The following ZFP62 variants were observed in gnomAD, a reference collection of about 807,000 sequenced individuals.
ZFP62 encodes zinc finger protein 62 homolog.
ZFP62 carries 44 observed loss-of-function variants against 56.4 expected under a neutral mutation model. That is an observed-to-expected ratio of 0.78 (90% CI 0.61 to 1.00). The LOEUF (loss-of-function observed/expected upper bound fraction) is 1.00. Among genes scored for constraint, ZFP62 ranks in the 50% least tolerant of loss-of-function variants. The probability of loss-of-function intolerance (pLI) is 0.00; values close to 1 mark genes in which losing one functional copy is unlikely to be tolerated. For synonymous variants in ZFP62, 421 were observed against 388.9 expected (o/e 1.08, Z -0.97); for missense variants, 1,030 against 1,085.7 (o/e 0.95, Z 0.72).
chr5:180,854,194 C>T (rs1773854451), intron 1 of ZFP62, among the ~76,000 whole-genome samples: 1 of 152,040 alleles, frequency 6.6e-6, no homozygotes, highest in Non-Finnish European at 1.5e-5. Context: ...AGGAAACATA[C>T]AAGATGAGCA....
intron 1 of ZFP62, among the ~76,000 whole-genome samples, chr5:180,853,850 T>G (rs1773838896): frequency 6.6e-6 from 1 of 152,210 alleles, no homozygotes; most frequent in African/African-American, 2.4e-5. Flanking sequence ...GTGTTGATTT[T>G]GTTGGGCTCA....
At position 180,847,680 on chromosome 5, in the gene ZFP62, A is replaced by C; in HGVS notation, c.*1112T>G. On this transcript the variant is annotated 3_prime_UTR_variant, in exon 2 of 2. Coordinates refer to ENST00000502412, the MANE Select transcript of ZFP62 (RefSeq NM_001172638.2). ...CCACAAGGAGCTGGCTTTCATGACA[A>C]AGAGAGAGTGAGCCCTGAACAAAGT... The C allele has an allele frequency of 1.0e-6, 1 of 985,178 alleles. No individual in the cohort carries two copies. The highest frequency in any genetic ancestry group is 1.2e-6 in the Non-Finnish European group (1 of 829,656). 61.0% of individuals were successfully genotyped at this position (985,178 alleles called of 1,614,324 possible).
At chr5:180,845,778 C>G, downstream of ZFP62, 1 of 985,378 alleles carries the variant, frequency 1.0e-6, no homozygotes, top group Non-Finnish European at 1.2e-6. Context: ...CAGGTGTTGT[C>G]CTGGTGGTGA....
At chr5:180,846,539 G>T (rs1352457752), downstream of ZFP62, among the ~76,000 whole-genome samples, 1 of 152,186 alleles carries the variant, frequency 6.6e-6, no homozygotes, top group African/African-American at 2.4e-5. Context: ...CATCAGCCCT[G>T]CCAGAGACCA....
chr5:180,859,374 A>C (rs1442143394), intron 1 of ZFP62, among the ~76,000 whole-genome samples: 1 of 152,236 alleles, frequency 6.6e-6, no homozygotes, highest in Non-Finnish European at 1.5e-5. Context: ...AAAATGTACA[A>C]AGGAAAGATG....
chr5:180,859,490 G>GT (rs775239110), intron 1 of ZFP62, among the ~76,000 whole-genome samples: 5 of 152,214 alleles, frequency 3.3e-5, no homozygotes, highest in African/African-American at 4.8e-5. Context: ...TATGATTAAC[G>GT]TGAGTTGGTT....
the ZFP62 span, among the ~76,000 whole-genome samples, chr5:180,833,672 A>G: frequency 1.4e-5 from 2 of 138,438 alleles, no homozygotes; most frequent in South Asian, 4.6e-4. Flanking sequence ...ATGACACGGT[A>G]TTTTTTTTTT....
In ZFP62 at chr5:180,847,903, C is replaced by T. The variant is rs1357255395; in HGVS notation, c.*889G>A. The T allele has an allele frequency of 1.0e-6, 1 of 985,336 alleles. No individual in the cohort carries two copies. Among genetic ancestry groups the T allele is most frequent in the Non-Finnish European group, 1.2e-6 (1 of 829,940 alleles). The allele number at this position is 985,336 out of a possible 1,614,324, so 61.0% of individuals were successfully genotyped here. A position where few individuals can be genotyped will look rare whatever the true frequency, so the allele number is the denominator to read the frequency against. On this transcript the variant is annotated 3_prime_UTR_variant, in exon 2 of 2. Coordinates refer to ENST00000502412, the MANE Select transcript of ZFP62 (RefSeq NM_001172638.2). ...TCTCAGCATTTCTATTCATAGGAAT[C>T]CCTGAATCACTTCTGTCATGTAAGG...
At chr5:180,840,356 C>T in the ZFP62 span, among the ~76,000 whole-genome samples, 1 of 152,162 alleles carries the variant, frequency 6.6e-6, no homozygotes, top group Non-Finnish European at 1.5e-5. Flanking sequence ...CAAAGCCCCA[C>T]TGGATGTCAA....
chr5:180,829,936 C>T, the ZFP62 span: 26 of 152,168 alleles, frequency 1.7e-4, no homozygotes, highest in African/African-American at 4.8e-4. Context: ...CACACGCATA[C>T]CAAAGAAAAT....
intron 1 of ZFP62, among the ~76,000 whole-genome samples, chr5:180,854,355 C>G (rs906960436): frequency 5.9e-5 from 9 of 152,200 alleles, no homozygotes; most frequent in African/African-American, 1.9e-4. Context: ...TGAGTCTACA[C>G]AGGTACAAAC....
chr5:180,841,408 T>C, the ZFP62 span, among the ~76,000 whole-genome samples: 76 of 152,250 alleles, frequency 5.0e-4, no homozygotes, highest in Middle Eastern at 3.4e-3. Flanking sequence ...CTTTAGAATT[T>C]TGGGTTCAGA....
At chr5:180,855,521 C>A (rs946030707) in intron 1 of ZFP62, among the ~76,000 whole-genome samples, 3 of 152,112 alleles carry the variant, frequency 2.0e-5, no homozygotes, top group African/African-American at 7.2e-5. Context: ...CCTCTCCTGG[C>A]TCCACATATT....
the ZFP62 span, among the ~76,000 whole-genome samples, chr5:180,829,210 G>A: frequency 7.0e-6 from 1 of 141,930 alleles, no homozygotes; most frequent in Non-Finnish European, 1.5e-5. Flanking sequence ...CCTTTGTCCT[G>A]TTTCCTCAGA....
At position 180,849,149 on chromosome 5, in the gene ZFP62, C is replaced by A; in HGVS notation, c.2346G>T (p.Glu782Asp). The A allele has an allele frequency of 6.4e-7, 1 of 1,563,554 alleles. No individual in the cohort carries two copies. Among genetic ancestry groups the A allele is most frequent in the Non-Finnish European group, 8.7e-7 (1 of 1,154,144 alleles). ...CACACTCATCACATTCATAGGGTTT[C>A]TCACCTGTGTGGATCCTTTTATGCA... The part of the protein sequence containing the change: ...LTVHKRIHTG[E>D]KPYECDECGK... The change falls in exon 2 of 2, where the codon GAG becomes GAT. Residue 782 changes from glutamate to aspartate, a missense_variant. Physicochemically the swap from Glu to Asp is conservative, Grantham distance 45. Transcript: ENST00000502412.
chr5:180,829,549 T>C, the ZFP62 span, among the ~76,000 whole-genome samples: 4 of 152,230 alleles, frequency 2.6e-5, no homozygotes, highest in Admixed American at 6.5e-5. Context: ...TTATGGAAAA[T>C]AGAAAGAACC....
rs1006283732 is a variant in ZFP62 at position 180,849,819 on chromosome 5, C to T, written c.1676G>A (p.Arg559Gln). ...KVHKRIHTGERPYKCEECGKA... is the reference protein window; with the variant it reads ...KVHKRIHTGEQPYKCEECGKA... ...CCCACATTCTTCACATTTGTAAGGTCGTTCCCCAGTGTGGATTCGTTTATG... is the reference window on the plus strand; with the variant it reads ...CCCACATTCTTCACATTTGTAAGGTTGTTCCCCAGTGTGGATTCGTTTATG... Residue 559 changes from arginine (R) to glutamine (Q), a missense_variant, in exon 2 of 2, where the codon CGA (arginine) becomes CAA (glutamine). Coordinates refer to ENST00000502412, the MANE Select transcript of ZFP62 (RefSeq NM_001172638.2). 6 of 1,551,626 alleles carry T rather than the reference C, an allele frequency of 3.9e-6. No homozygotes were observed. In the African/African-American group the frequency reaches 4.1e-5, roughly 11 times the overall value.
rs1773498603 is a variant in ZFP62, at chr5:180,848,472, T to C, written c.*320A>G. The C allele has an allele frequency of 9.5e-7, 1 of 1,057,596 alleles. No individual in the cohort carries two copies. The highest frequency in any genetic ancestry group is 1.7e-5 in the African/African-American group (1 of 59,834). 65.5% of individuals were successfully genotyped at this position (1,057,596 alleles called of 1,614,324 possible). ...TTTCTGATGGTGATTACGTAACTTC[T>C]AATTGAAGCCCTTTCCTCATCTGTG... is the stretch of plus-strand genomic sequence containing the variant. On this transcript the variant is annotated 3_prime_UTR_variant, in exon 2 of 2. Transcript: ENST00000502412.
intron 1 of ZFP62, among the ~76,000 whole-genome samples, chr5:180,853,934 A>G (rs1773842913): frequency 6.6e-6 from 1 of 152,260 alleles, no homozygotes; most frequent in African/African-American, 2.4e-5. Flanking sequence ...ATGAATTTGC[A>G]GTACTGGTGT....
Sources: gnomAD v4.1 joint callset for allele counts (sites outside exome capture counted in the v4.1 genomes callset) on GRCh38, gnomAD v4.1.1 for gene constraint, MANE v1.5 for transcripts, NCBI Gene and HGNC (gene_info 2026-07-23, HGNC 2026-07-21) for gene names.